The following PGCKA1 variants were observed in gnomAD, a reference collection of about 807,000 sequenced individuals.
PGCKA1 encodes PDCD10 and GCKIII kinases associated 1.
chr4:37,579,156 A>T, the PGCKA1 span, among the ~76,000 whole-genome samples: 2 of 152,312 alleles, frequency 1.3e-5, no homozygotes, highest in African/African-American at 4.8e-5. Flanking sequence ...AAACAAAAAA[A>T]CAAAGATTCT....
chr4:37,486,242 AT>A, the PGCKA1 span, among the ~76,000 whole-genome samples: 13 of 151,588 alleles, frequency 8.6e-5, no homozygotes, highest in East Asian at 1.2e-3. Flanking sequence ...TTAGGTGAAG[AT>A]TTTTTTTTCC....
the PGCKA1 span, among the ~76,000 whole-genome samples, chr4:37,541,967 A>G: frequency 1.3e-5 from 2 of 152,074 alleles, no homozygotes; most frequent in Admixed American, 6.5e-5. Flanking sequence ...AACAGCATGC[A>G]CTCTATACAG....
chr4:37,556,269 G>GTT, the PGCKA1 span, among the ~76,000 whole-genome samples: 1 of 98,028 alleles, frequency 1.0e-5, no homozygotes, highest in Non-Finnish European at 2.2e-5. Flanking sequence ...GTTTTGTTTT[G>GTT]TTTTTTTGTT....
chr4:37,490,785 A>C, the PGCKA1 span, among the ~76,000 whole-genome samples: 2 of 152,190 alleles, frequency 1.3e-5, no homozygotes, highest in Non-Finnish European at 2.9e-5. Flanking sequence ...AATGATCAAA[A>C]TAATCAGGGG....
At chr4:37,556,652 A>T in the PGCKA1 span, among the ~76,000 whole-genome samples, 1 of 150,842 alleles carries the variant, frequency 6.6e-6, no homozygotes, top group African/African-American at 2.4e-5. Context: ...TCCCAGTTAC[A>T]CTCTCTTCCC....
chr4:37,572,744 C>T, the PGCKA1 span, among the ~76,000 whole-genome samples: 1 of 152,170 alleles, frequency 6.6e-6, no homozygotes, highest in Admixed American at 6.5e-5. Flanking sequence ...ACCTTTTACA[C>T]ATACCTGAAG....
At chr4:37,501,612 T>C in the PGCKA1 span, among the ~76,000 whole-genome samples, 1 of 152,232 alleles carries the variant, frequency 6.6e-6, no homozygotes, top group Non-Finnish European at 1.5e-5. Flanking sequence ...TTCCTTTACA[T>C]ATTTAGTATT....
At chr4:37,499,001 A>G in the PGCKA1 span, among the ~76,000 whole-genome samples, 1 of 152,202 alleles carries the variant, frequency 6.6e-6, no homozygotes, top group East Asian at 1.9e-4. Context: ...ATGTTCCTTC[A>G]ATGCCTAGTT....
At chr4:37,519,754 A>G in the PGCKA1 span, among the ~76,000 whole-genome samples, 1 of 152,050 alleles carries the variant, frequency 6.6e-6, no homozygotes, top group Non-Finnish European at 1.5e-5. Context: ...TGCCCTTTAT[A>G]TCTTTCTCTT....
the PGCKA1 span, among the ~76,000 whole-genome samples, chr4:37,552,470 C>T: frequency 4.6e-5 from 7 of 152,272 alleles, no homozygotes; most frequent in African/African-American, 1.7e-4. Context: ...TGCTACAGTA[C>T]TATTATCATT....
the PGCKA1 span, among the ~76,000 whole-genome samples, chr4:37,554,687 AT>A: frequency 6.6e-6 from 1 of 152,168 alleles, no homozygotes; most frequent in Non-Finnish European, 1.5e-5. Flanking sequence ...TTATTTTGGA[AT>A]TTTTCAAAGT....
the PGCKA1 span, among the ~76,000 whole-genome samples, chr4:37,525,600 T>G: frequency 2.6e-5 from 4 of 152,200 alleles, no homozygotes. Context: ...ACCACCACTC[T>G]GCAGAAAATA....
chr4:37,548,246 G>A, the PGCKA1 span, among the ~76,000 whole-genome samples: 1 of 152,094 alleles, frequency 6.6e-6, no homozygotes, highest in African/African-American at 2.4e-5. Context: ...GAGTACTACT[G>A]AAGAAACAGT....
At chr4:37,582,102 A>AGAT in the PGCKA1 span, among the ~76,000 whole-genome samples, 1 of 152,166 alleles carries the variant, frequency 6.6e-6, no homozygotes, top group African/African-American at 2.4e-5. Flanking sequence ...CCAAACACAC[A>AGAT]GATGCTCTCT....
the PGCKA1 span, among the ~76,000 whole-genome samples, chr4:37,503,894 A>G: frequency 6.6e-6 from 1 of 152,028 alleles, no homozygotes; most frequent in Non-Finnish European, 1.5e-5. Context: ...ATGTTATTCT[A>G]TTCTGTGGGT....
the PGCKA1 span, among the ~76,000 whole-genome samples, chr4:37,564,001 A>T: frequency 6.6e-6 from 1 of 152,106 alleles, no homozygotes; most frequent in Non-Finnish European, 1.5e-5. Flanking sequence ...AGCCAGGGAC[A>T]GTGGCTCACC....
At chr4:37,512,875 G>A in the PGCKA1 span, among the ~76,000 whole-genome samples, 1 of 152,044 alleles carries the variant, frequency 6.6e-6, no homozygotes, top group Admixed American at 6.6e-5. Context: ...GATCACCTGA[G>A]GTCGGGAGTT....
the PGCKA1 span, among the ~76,000 whole-genome samples, chr4:37,487,287 C>T: frequency 3.3e-5 from 5 of 152,182 alleles, no homozygotes; most frequent in African/African-American, 1.2e-4. Flanking sequence ...ACATGAACTA[C>T]ACTCACCACC....
the PGCKA1 span, among the ~76,000 whole-genome samples, chr4:37,580,494 C>T: frequency 6.6e-6 from 1 of 152,122 alleles, no homozygotes; most frequent in Non-Finnish European, 1.5e-5. Flanking sequence ...AGAGGCACCC[C>T]AAGCCCAGTA....
Sources: allele counts gnomAD v4.1 joint callset (sites outside exome capture counted in the v4.1 genomes callset), GRCh38; gene constraint gnomAD v4.1.1; transcripts MANE v1.5; gene names NCBI Gene and HGNC (gene_info 2026-07-23, HGNC 2026-07-21).